Variants in COMMD1 observed in about 807,000 individuals in gnomAD.
COMMD1 encodes COMM domain-containing protein 1.
A neutral mutation model predicts 17.2 loss-of-function variants in COMMD1; 10 were observed. That is an observed-to-expected ratio of 0.58 (90% CI 0.36 to 0.99). COMMD1 has a LOEUF of 0.99. Among genes scored for constraint, COMMD1 ranks in the 50% least tolerant of loss-of-function variants. The pLI, the probability that COMMD1 is intolerant of heterozygous loss-of-function variation, is 0.01. For synonymous variants in COMMD1, 97 were observed against 91.6 expected (o/e 1.06, Z -0.34); for missense variants, 270 against 231.8 (o/e 1.17, Z -1.07).
intron 1 of COMMD1, among the ~76,000 whole-genome samples, chr2:61,943,573 G>A (rs1175188587): frequency 6.6e-6 from 1 of 152,188 alleles, no homozygotes; most frequent in Non-Finnish European, 1.5e-5. Context: ...CTTGGGTCAC[G>A]CCTGTAATCT....
chr2:62,117,194 G>A (rs1366006327), intron 2 of COMMD1, among the ~76,000 whole-genome samples: 1 of 152,036 alleles, frequency 6.6e-6, no homozygotes. Context: ...CTCTGCCTGG[G>A]TCACATGCAC....
chr2:61,897,908 A>G (rs1173582439), intron 1 of COMMD1, among the ~76,000 whole-genome samples: 3 of 152,020 alleles, frequency 2.0e-5, no homozygotes, highest in African/African-American at 7.3e-5. Context: ...TCATGCCTCC[A>G]TATATAGGGA....
At chr2:62,102,654 C>T (rs1461916732) in intron 2 of COMMD1, among the ~76,000 whole-genome samples, 1 of 152,178 alleles carries the variant, frequency 6.6e-6, no homozygotes, top group Non-Finnish European at 1.5e-5. Context: ...TAGAATCCCT[C>T]TTCCCCAAGG....
intron 1 of COMMD1, among the ~76,000 whole-genome samples, chr2:61,964,343 C>G (rs966759569): frequency 1.3e-5 from 2 of 152,088 alleles, no homozygotes; most frequent in Admixed American, 1.3e-4. Flanking sequence ...ATCTCATACT[C>G]TCTAGTAACT....
At chr2:62,049,710 A>G (rs1406426204) in intron 2 of COMMD1, among the ~76,000 whole-genome samples, 1 of 152,206 alleles carries the variant, frequency 6.6e-6, no homozygotes, top group East Asian at 1.9e-4. Context: ...ATATCGTACC[A>G]TCTTATGGTT....
intron 1 of COMMD1, among the ~76,000 whole-genome samples, chr2:61,913,204 T>C (rs1370044465): frequency 1.3e-5 from 2 of 150,754 alleles, no homozygotes; most frequent in Non-Finnish European, 1.5e-5. Context: ...CCATCTCTAC[T>C]AAAAATACAA....
At chr2:61,928,956 G>A (rs193162490) in intron 1 of COMMD1, among the ~76,000 whole-genome samples, 1 of 152,308 alleles carries the variant, frequency 6.6e-6, no homozygotes, top group Non-Finnish European at 1.5e-5. Flanking sequence ...TGCAAGGAAT[G>A]GCAAGCCACC....
In COMMD1 at chr2:62,116,600, A is replaced by C. The variant is rs1672609886; in HGVS notation, c.463-19231A>C. Among the ~76,000 whole-genome samples, 3 of 137,024 alleles carry C rather than the reference A, an allele frequency of 2.2e-5. No homozygotes were observed. In the Admixed American group the frequency reaches 2.6e-4, roughly 12 times the overall value. 89.9% of individuals were successfully genotyped at this position (137,024 alleles called of 152,430 possible). On this transcript the variant is annotated intron_variant, in intron 2 of 2. Transcript: ENST00000311832. ...GGCAGGAGAATCACTTAAACCCAGG[A>C]GGCGGAGGTTGCAGTGAGCAAAGAT...
chr2:62,064,091 A>T (rs1670958545), intron 2 of COMMD1, among the ~76,000 whole-genome samples: 1 of 151,558 alleles, frequency 6.6e-6, no homozygotes, highest in Admixed American at 6.6e-5. Flanking sequence ...TGATTATTCC[A>T]TTTTGTAAAG....
At chr2:61,912,256 T>C (rs1011353693) in intron 1 of COMMD1, among the ~76,000 whole-genome samples, 1 of 152,126 alleles carries the variant, frequency 6.6e-6, no homozygotes, top group Non-Finnish European at 1.5e-5. Flanking sequence ...TAGTAAAAGT[T>C]TGTAGAATAA....
intron 1 of COMMD1, chr2:61,915,675 T>G (rs924722005): frequency 2.2e-5 from 10 of 453,370 alleles, no homozygotes; most frequent in African/African-American, 2.0e-4. Flanking sequence ...TTTTTATCTT[T>G]TTTTAGAGAC....
At chr2:62,038,553 T>C (rs1289214737) in intron 2 of COMMD1, among the ~76,000 whole-genome samples, 2 of 152,038 alleles carry the variant, frequency 1.3e-5, no homozygotes, top group African/African-American at 4.8e-5. Flanking sequence ...TATTTATTTA[T>C]TTATTTATTT....
At chr2:62,117,015 A>T (rs956673604) in intron 2 of COMMD1, among the ~76,000 whole-genome samples, 1 of 147,502 alleles carries the variant, frequency 6.8e-6, no homozygotes, top group African/African-American at 2.5e-5. Context: ...AAAAAAAAAA[A>T]TGACAAAGAT....
chr2:61,902,647 CA>C (rs566473879), upstream of COMMD1, among the ~76,000 whole-genome samples: 674 of 152,160 alleles, frequency 4.4e-3, 1 homozygote, highest in South Asian at 0.017. Flanking sequence ...CGAATTAAAA[CA>C]GTGAGATAAT....
At chr2:61,988,391 C>T (rs1462318679) in intron 1 of COMMD1, among the ~76,000 whole-genome samples, 2 of 152,192 alleles carry the variant, frequency 1.3e-5, no homozygotes, top group Non-Finnish European at 2.9e-5. Context: ...ATCCCGCCAG[C>T]AGTGGATCCT....
intron 1 of COMMD1, among the ~76,000 whole-genome samples, chr2:61,947,425 G>A (rs1436509179): frequency 2.6e-5 from 4 of 152,064 alleles, no homozygotes; most frequent in African/African-American, 9.7e-5. Context: ...GCTTATGCCT[G>A]TAATCCCAGC....
intron 2 of COMMD1, among the ~76,000 whole-genome samples, chr2:62,094,842 G>A (rs1671955143): frequency 6.6e-6 from 1 of 152,200 alleles, no homozygotes; most frequent in Admixed American, 6.5e-5. Context: ...ACTTGAAATG[G>A]CTTTGGGCCA....
chr2:61,945,432 T>C (rs1216556660), intron 1 of COMMD1, among the ~76,000 whole-genome samples: 1 of 152,210 alleles, frequency 6.6e-6, no homozygotes, highest in African/African-American at 2.4e-5. Context: ...CCTCAGCCAA[T>C]TATCCTCTTG....
At chr2:62,094,768 A>C (rs984588078) in intron 2 of COMMD1, among the ~76,000 whole-genome samples, 8 of 152,226 alleles carry the variant, frequency 5.3e-5, no homozygotes, top group Non-Finnish European at 1.0e-4. Flanking sequence ...TATAAAAAGG[A>C]AAAGTGGAAA....
Sources: allele counts gnomAD v4.1 joint callset (sites outside exome capture counted in the v4.1 genomes callset), GRCh38; gene constraint gnomAD v4.1.1; transcripts MANE v1.5; gene names NCBI Gene and HGNC (gene_info 2026-07-23, HGNC 2026-07-21).